Variants in CLSTN2 observed in about 807,000 individuals in gnomAD.
CLSTN2 encodes calsyntenin-2.
Under a neutral mutation model 101.2 loss-of-function variants are expected in CLSTN2, and 48 were observed. The ratio of observed to expected loss-of-function variants is 0.47; its 90% CI spans 0.38 to 0.60. The LOEUF is 0.60. Among genes scored for constraint, CLSTN2 ranks in the 20% least tolerant of loss-of-function variants. The probability of loss-of-function intolerance (pLI) is 0.00; values close to 1 mark genes in which losing one functional copy is unlikely to be tolerated. For missense variants in CLSTN2, 1,160 were observed against 1,238.2 expected, an observed-to-expected ratio of 0.94 and a Z score of 0.95; for synonymous variants, 481 against 463.6, an observed-to-expected ratio of 1.04 and a Z score of -0.48.
intron 2 of CLSTN2, among the ~76,000 whole-genome samples, chr3:140,395,328 T>G (rs1176736428): frequency 6.6e-6 from 1 of 152,216 alleles, no homozygotes; most frequent in African/African-American, 2.4e-5. Context: ...GAAGGCAGGA[T>G]TTATTATAAT....
At position 140,190,808 on chromosome 3, in the gene CLSTN2, T is replaced by C. The variant is rs2010556257; in HGVS notation, c.232+14735T>C. Among the ~76,000 whole-genome samples, 4 of 152,132 alleles carry C rather than the reference T, an allele frequency of 2.6e-5. No individual in the cohort carries two copies. In the South Asian group the frequency reaches 8.3e-4, roughly 31 times the overall value. On this transcript the variant is annotated intron_variant, in intron 2 of 16. Transcript: ENST00000458420. Reference sequence around the variant, plus strand: ...CCTTGCTGAATTTAATAGTTCTAGATTTTTTTCTTGTAGATTTCTTGGGAC... The same window carrying C: ...CCTTGCTGAATTTAATAGTTCTAGACTTTTTTCTTGTAGATTTCTTGGGAC...
intron 8 of CLSTN2, among the ~76,000 whole-genome samples, chr3:140,513,874 A>C (rs1338791747): frequency 2.0e-5 from 3 of 151,616 alleles, no homozygotes; most frequent in Non-Finnish European, 4.4e-5. Flanking sequence ...GATCTAGTGT[A>C]TGTGCATACT....
At chr3:140,133,910 C>A (rs554048442) in intron 1 of CLSTN2, among the ~76,000 whole-genome samples, 1 of 152,258 alleles carries the variant, frequency 6.6e-6, no homozygotes, top group East Asian at 1.9e-4. Flanking sequence ...TGTGTAGTTT[C>A]AATGTTACTA....
At chr3:140,283,680 T>C (rs1007367236) in intron 2 of CLSTN2, among the ~76,000 whole-genome samples, 2 of 152,194 alleles carry the variant, frequency 1.3e-5, no homozygotes, top group Non-Finnish European at 1.5e-5. Context: ...CAGAGAAAGA[T>C]GAATGAGTCC....
chr3:139,984,182 T>G (rs1935983721), intron 1 of CLSTN2, among the ~76,000 whole-genome samples: 1 of 152,200 alleles, frequency 6.6e-6, no homozygotes, highest in South Asian at 2.1e-4. Flanking sequence ...AGACACCCAC[T>G]GCGTGGTAAC....
intron 1 of CLSTN2, among the ~76,000 whole-genome samples, chr3:140,163,343 A>G (rs922893423): frequency 1.4e-4 from 22 of 151,928 alleles, no homozygotes; most frequent in Admixed American, 8.5e-4. Flanking sequence ...TTCAGCCTGC[A>G]GGCCTGACCT....
At chr3:140,405,490 G>T (rs1316275001) in intron 4 of CLSTN2, among the ~76,000 whole-genome samples, 2 of 152,174 alleles carry the variant, frequency 1.3e-5, no homozygotes, top group African/African-American at 4.8e-5. Context: ...GCCTCCCAAA[G>T]TGCTGGGATT....
intron 2 of CLSTN2, among the ~76,000 whole-genome samples, chr3:140,390,263 A>G (rs562196387): frequency 3.3e-5 from 5 of 152,234 alleles, no homozygotes; most frequent in African/African-American, 1.2e-4. Context: ...TTTCTCTCTA[A>G]GCACAGAATT....
At chr3:140,190,565 T>C (rs566647790) in intron 2 of CLSTN2, among the ~76,000 whole-genome samples, 1 of 152,160 alleles carries the variant, frequency 6.6e-6, no homozygotes, top group Admixed American at 6.6e-5. Context: ...GCATGTTATA[T>C]CTCTACATGT....
chr3:140,229,807 C>T (rs370346771), intron 2 of CLSTN2, among the ~76,000 whole-genome samples: 9 of 152,208 alleles, frequency 5.9e-5, no homozygotes, highest in South Asian at 2.1e-4. Context: ...AGCTCCTGCT[C>T]TCTGAAATGT....
intron 5 of CLSTN2, among the ~76,000 whole-genome samples, chr3:140,427,183 AAATATAT>A (rs1293603072): frequency 4.8e-5 from 4 of 83,804 alleles, no homozygotes; most frequent in African/African-American, 2.0e-4. Flanking sequence ...CAAAAAAAAA[AAATATAT>A]ATATATATAT....
chr3:140,132,826 C>A (rs1407979471), intron 1 of CLSTN2, among the ~76,000 whole-genome samples: 1 of 152,124 alleles, frequency 6.6e-6, no homozygotes, highest in African/African-American at 2.4e-5. Flanking sequence ...GTGAAAAGAG[C>A]AAAATTTACC....
chr3:140,516,099 C>CT (rs544938240), intron 8 of CLSTN2, among the ~76,000 whole-genome samples: 128 of 152,138 alleles, frequency 8.4e-4, no homozygotes, highest in Middle Eastern at 3.4e-3. Context: ...TCCTCTTTGT[C>CT]TTTTTTTAAC....
At chr3:140,153,445 C>A (rs1050869177) in intron 1 of CLSTN2, among the ~76,000 whole-genome samples, 1 of 152,250 alleles carries the variant, frequency 6.6e-6, no homozygotes, top group African/African-American at 2.4e-5. Flanking sequence ...GCAGGGCTTC[C>A]CCTCCAGTTC....
intron 1 of CLSTN2, among the ~76,000 whole-genome samples, chr3:140,168,753 T>C (rs73868794): frequency 0.038 from 5,792 of 152,180 alleles, 223 homozygotes; most frequent in African/African-American, 0.1. Context: ...TAATAAACTA[T>C]TCTCCTCCCC....
At chr3:140,548,565 A>G (rs915510806) in intron 10 of CLSTN2, among the ~76,000 whole-genome samples, 1 of 152,192 alleles carries the variant, frequency 6.6e-6, no homozygotes, top group African/African-American at 2.4e-5. Flanking sequence ...ACCAGCTAGG[A>G]AAAAGGCAGT....
intron 4 of CLSTN2, among the ~76,000 whole-genome samples, chr3:140,414,282 C>T (rs537814706): frequency 6.6e-6 from 1 of 152,074 alleles, no homozygotes; most frequent in African/African-American, 2.4e-5. Flanking sequence ...TTTAAAAATG[C>T]ATTTACAATA....
At chr3:140,171,740 A>T (rs1225924592) in intron 1 of CLSTN2, among the ~76,000 whole-genome samples, 1 of 107,410 alleles carries the variant, frequency 9.3e-6, no homozygotes, top group Non-Finnish European at 1.8e-5. Flanking sequence ...ATAATATATT[A>T]ATATATAATA....
In CLSTN2 at chr3:140,437,758, T is replaced by C. The variant is rs139750728; in HGVS notation, c.788-10761T>C. On this transcript the variant is annotated intron_variant, in intron 5 of 16. Transcript: ENST00000458420. ...AAGTGGCAATTGGACTGCCATGATA[T>C]TTTTAATGTAATTTTTAAAAATTAT... Among the ~76,000 whole-genome samples the C allele has an allele frequency of 3.4e-3, 514 of 152,346 alleles. 1 individual carries two copies. The highest frequency in any genetic ancestry group is 0.012 in the African/African-American group (480 of 41,566).
Sources: allele counts gnomAD v4.1 joint callset (sites outside exome capture counted in the v4.1 genomes callset), GRCh38; gene constraint gnomAD v4.1.1; transcripts MANE v1.5; gene names NCBI Gene and HGNC (gene_info 2026-07-23, HGNC 2026-07-21).